PXYLP1: variants seen among roughly 807,000 people sequenced by gnomAD.
The protein encoded by PXYLP1 is 2-phosphoxylose phosphatase 1.
PXYLP1 carries 17 observed loss-of-function variants against 37.9 expected under a neutral mutation model. That is an observed-to-expected ratio of 0.45 (90% CI 0.31 to 0.67). PXYLP1 has a LOEUF of 0.67. Ranked by LOEUF, PXYLP1 falls within the 30% of genes least tolerant of loss-of-function variation. PXYLP1 has a pLI of 0.07. For synonymous variants in PXYLP1, 221 were observed against 232.2 expected, an observed-to-expected ratio of 0.95 and a Z score of 0.44; for missense variants, 511 against 612.0, an observed-to-expected ratio of 0.84 and a Z score of 1.74.
At position 141,284,336 on chromosome 3, in the gene PXYLP1, T is replaced by C. The variant is rs779759542; in HGVS notation, c.366-2978T>C. Among the ~76,000 whole-genome samples, 48 of 152,240 alleles carry C rather than the reference T, an allele frequency of 3.2e-4. 1 individual carries two copies. In the Middle Eastern group the frequency reaches 0.01, roughly 33 times the overall value. ...TAATGGCTGGAAGGAAGGAAGATAA[T>C]GTGAACCGGGCATACACATGATCAG... On this transcript the variant is annotated intron_variant, in intron 4 of 5. Transcript: ENST00000286353.
intron 5 of PXYLP1, among the ~76,000 whole-genome samples, chr3:141,288,846 T>C (rs1942136068): frequency 6.6e-6 from 1 of 152,182 alleles, no homozygotes; most frequent in Non-Finnish European, 1.5e-5. Flanking sequence ...CAGTGAACCA[T>C]GATCATGCCA....
chr3:141,280,887 G>A (rs901380181), intron 4 of PXYLP1, among the ~76,000 whole-genome samples: 6 of 152,156 alleles, frequency 3.9e-5, no homozygotes, highest in Non-Finnish European at 5.9e-5. Context: ...ACTAGCTGGC[G>A]GTCCACAAGT....
chr3:141,282,483 AACACAC>A (rs3069374), intron 4 of PXYLP1, among the ~76,000 whole-genome samples: 484 of 147,644 alleles, frequency 3.3e-3, no homozygotes, highest in Admixed American at 5.6e-3. Flanking sequence ...AACCCAGACA[AACACAC>A]ACACACACAC....
chr3:141,286,288 T>C (rs1263711157), intron 4 of PXYLP1, among the ~76,000 whole-genome samples: 1 of 152,260 alleles, frequency 6.6e-6, no homozygotes, highest in Non-Finnish European at 1.5e-5. Flanking sequence ...GGCAGAAATA[T>C]AGATACTCTC....
intron 2 of PXYLP1, among the ~76,000 whole-genome samples, chr3:141,270,572 T>C (rs1319506638): frequency 1.3e-5 from 2 of 152,146 alleles, no homozygotes; most frequent in African/African-American, 2.4e-5. Flanking sequence ...GGCAGACCAG[T>C]GAAGGAGAGA....
At chr3:141,285,144 C>CTTTTT (rs147495598) in intron 4 of PXYLP1, among the ~76,000 whole-genome samples, 4,419 of 78,378 alleles carry the variant, frequency 0.056, 226 homozygotes, top group South Asian at 0.13. Flanking sequence ...TTTTCTTTTT[C>CTTTTT]TTTTTTTTTT....
chr3:141,238,887 T>A (rs1940723148), intron 1 of PXYLP1, among the ~76,000 whole-genome samples: 1 of 152,138 alleles, frequency 6.6e-6, no homozygotes, highest in Non-Finnish European at 1.5e-5. Flanking sequence ...ATAAAGGTTT[T>A]ATCCTCATTG....
At chr3:141,238,650 C>A (rs1271454077) in intron 1 of PXYLP1, among the ~76,000 whole-genome samples, 2 of 151,966 alleles carry the variant, frequency 1.3e-5, no homozygotes, top group African/African-American at 4.8e-5. Context: ...CATGGCCCCC[C>A]ACAGTTGAAA....
chr3:141,273,718 T>C (rs1251543475), intron 2 of PXYLP1: 4 of 985,244 alleles, frequency 4.1e-6, no homozygotes, highest in Non-Finnish European at 2.4e-6. Flanking sequence ...AAAGTGATCG[T>C]AGATGAGATG....
chr3:141,253,034 G>A (rs1197416735), intron 1 of PXYLP1, among the ~76,000 whole-genome samples: 2 of 152,184 alleles, frequency 1.3e-5, no homozygotes, highest in Non-Finnish European at 2.9e-5. Context: ...GAAAATAAGG[G>A]TAGGTTCATG....
At position 141,293,391 on chromosome 3, in the gene PXYLP1, G is replaced by T; in HGVS notation, c.*186G>T. ...ATTGCTGCAATGTGGTACGTGAATT[G>T]CTTGGTACAAAATGGCCAGTTCACA... On this transcript the variant is annotated 3_prime_UTR_variant, in exon 6 of 6. Coordinates refer to ENST00000286353, the MANE Select transcript of PXYLP1 (RefSeq NM_001037172.3). The T allele has an allele frequency of 3.1e-6, 2 of 636,596 alleles. No individual in the cohort carries two copies. The highest frequency in any genetic ancestry group is 2.1e-5 in the South Asian group (1 of 48,236). The allele number at this position is 636,596 out of a possible 1,614,324, so 39.4% of individuals were successfully genotyped here.
intron 5 of PXYLP1, among the ~76,000 whole-genome samples, chr3:141,289,959 T>G (rs1031971316): frequency 2.0e-5 from 3 of 152,258 alleles, no homozygotes; most frequent in Admixed American, 6.5e-5. Context: ...TCATCGTTTC[T>G]AAATTAGTGT....
At chr3:141,280,499 A>G (rs1408517351) in intron 4 of PXYLP1, among the ~76,000 whole-genome samples, 1 of 152,204 alleles carries the variant, frequency 6.6e-6, no homozygotes, top group East Asian at 1.9e-4. Context: ...ATTTTATTGA[A>G]CATTCTGTAT....
chr3:141,269,720 C>T (rs1449059031), intron 2 of PXYLP1, among the ~76,000 whole-genome samples: 1 of 152,136 alleles, frequency 6.6e-6, no homozygotes, highest in East Asian at 1.9e-4. Flanking sequence ...CTTCATGACC[C>T]AAAAAGGTTA....
chr3:141,279,919 T>C (rs1312080213), intron 4 of PXYLP1, among the ~76,000 whole-genome samples: 1 of 152,184 alleles, frequency 6.6e-6, no homozygotes, highest in Non-Finnish European at 1.5e-5. Flanking sequence ...CCATGCAAAG[T>C]TGGGGCAAAG....
intron 1 of PXYLP1, among the ~76,000 whole-genome samples, chr3:141,248,023 G>GTTTTT (rs55888415): frequency 3.3e-4 from 41 of 122,880 alleles, no homozygotes; most frequent in African/African-American, 5.0e-4. Context: ...TTTTTGTTTT[G>GTTTTT]TTTTTTTTTT....
chr3:141,263,554 G>T (rs1339436214), intron 2 of PXYLP1, among the ~76,000 whole-genome samples: 2 of 152,226 alleles, frequency 1.3e-5, no homozygotes, highest in Non-Finnish European at 2.9e-5. Flanking sequence ...CTGTCAGGAT[G>T]TGAAGACTTA....
chr3:141,244,499 C>T (rs912564333), intron 1 of PXYLP1, among the ~76,000 whole-genome samples: 1 of 151,392 alleles, frequency 6.6e-6, no homozygotes, highest in Admixed American at 6.6e-5. Context: ...CCCGCTAGAC[C>T]TTTTTCGGTA....
chr3:141,262,400 G>T, intron 2 of PXYLP1: 1 of 969,886 alleles, frequency 1.0e-6, no homozygotes, highest in Non-Finnish European at 1.3e-6. Context: ...CCATCCTTTG[G>T]TTGGAGAGGT....
Sources: gnomAD v4.1 joint callset for allele counts (sites outside exome capture counted in the v4.1 genomes callset) on GRCh38, gnomAD v4.1.1 for gene constraint, MANE v1.5 for transcripts, NCBI Gene and HGNC (gene_info 2026-07-23, HGNC 2026-07-21) for gene names.